Variants in ARHGEF12 observed in about 807,000 individuals in gnomAD.
The protein encoded by ARHGEF12 is KMT2A/ARHGEF12 fusion protein.
ARHGEF12 carries 66 observed loss-of-function variants against 211.2 expected under a neutral mutation model. The ratio of observed to expected loss-of-function variants is 0.31; its 90% CI spans 0.26 to 0.38. ARHGEF12 has a LOEUF of 0.38. Ranked by LOEUF, ARHGEF12 falls within the 10% of genes least tolerant of loss-of-function variation. ARHGEF12 has a pLI of 1.00. For missense variants in ARHGEF12, 1,429 were observed against 1,869.5 expected, an observed-to-expected ratio of 0.76 and a Z score of 4.34; for synonymous variants, 592 against 638.4, an observed-to-expected ratio of 0.93 and a Z score of 1.09.
Position 120,351,540 on chromosome 11 carries a change from G to A in ARHGEF12, c.32+14265G>A, listed in dbSNP as rs370651547. On this transcript the variant is annotated intron_variant, in intron 1 of 40. Coordinates refer to ENST00000397843, the MANE Select transcript of ARHGEF12 (RefSeq NM_015313.3). ...GGCTGGAGTGCAGTGGCATGGTCTT[G>A]GCTCACTTGAACCTCCACCTCCCTG... Among the ~76,000 whole-genome samples the A allele has an allele frequency of 2.9e-5, 4 of 138,898 alleles. No homozygotes were observed. The East Asian group carries it at 9.0e-4, about 31-fold the overall frequency. The allele number at this position is 138,898 out of a possible 152,430, so 91.1% of individuals were successfully genotyped here.
At chr11:120,445,275 T>G in intron 15 of ARHGEF12, 147 bp from the exon 16 acceptor site, 1 of 746,112 alleles carries the variant, frequency 1.3e-6, no homozygotes, top group Non-Finnish European at 2.3e-6. Context: ...TCTGGAGTTG[T>G]GAAATGTGAA....
chr11:120,379,108 A>G (rs1336498764), intron 1 of ARHGEF12, among the ~76,000 whole-genome samples: 2 of 152,140 alleles, frequency 1.3e-5, no homozygotes, highest in Admixed American at 6.5e-5. Flanking sequence ...TTAATTTAGT[A>G]GTCTTCTTTA....
chr11:120,351,325 G>A (rs1186478691), intron 1 of ARHGEF12, among the ~76,000 whole-genome samples: 3 of 83,352 alleles, frequency 3.6e-5, no homozygotes, highest in East Asian at 4.3e-4. Context: ...CTGGGCAACA[G>A]AGCAAGACTC....
intron 10 of ARHGEF12, among the ~76,000 whole-genome samples, chr11:120,431,011 C>CA (rs749998591): frequency 3.3e-5 from 5 of 152,068 alleles, no homozygotes; most frequent in Non-Finnish European, 7.4e-5. Context: ...ATAACCTGGC[C>CA]AGGCGCAGTG....
At chr11:120,408,586 C>T (rs1944785620) in intron 3 of ARHGEF12, 1 of 152,008 alleles carries the variant, frequency 6.6e-6, no homozygotes, top group Non-Finnish European at 1.5e-5. Flanking sequence ...GTAAATCCCG[C>T]TATCTCAGAT....
chr11:120,406,042 G>C (rs1008979737), intron 1 of ARHGEF12, 76 bp from the exon 2 acceptor site: 1 of 1,103,198 alleles, frequency 9.1e-7, no homozygotes, highest in South Asian at 1.4e-5. Flanking sequence ...TTCTGGTTCA[G>C]TAGGATGAAT....
rs941517578 is a variant in ARHGEF12, at chr11:120,457,186, A to G, written c.2125A>G (p.Thr709Ala). 6.2e-7 allele frequency: 1 copy of G among 1,614,090 alleles called. No individual in the cohort carries two copies. Reference protein sequence around the residue: ...TLDGTPRTLNTVFDFPPPPLD... With the variant: ...TLDGTPRTLNAVFDFPPPPLD... ...AGATGGCACACCTCGTACTCTCAATACTGTCTTTGATTTCCCACCACCTCC... is the reference window on the plus strand; with the variant it reads ...AGATGGCACACCTCGTACTCTCAATGCTGTCTTTGATTTCCCACCACCTCC... Residue 709 changes from threonine to alanine, a missense_variant, in exon 23 of 41, where the codon ACT becomes GCT. This residue lies in a region of ARHGEF12 where 373 missense variants were observed against 467.5 expected (regional missense o/e 0.80). Coordinates refer to ENST00000397843, the MANE Select transcript of ARHGEF12 (RefSeq NM_015313.3).
At chr11:120,476,906 G>T in intron 34 of ARHGEF12, 158 bp downstream of exon 34, 1 of 610,198 alleles carries the variant, frequency 1.6e-6, no homozygotes, top group Non-Finnish European at 2.8e-6. Context: ...TCTTTTTTAG[G>T]TTGATGCCTT....
intron 30 of ARHGEF12, among the ~76,000 whole-genome samples, chr11:120,471,518 A>T (rs1169045187): frequency 6.6e-6 from 1 of 152,218 alleles, no homozygotes; most frequent in African/African-American, 2.4e-5. Flanking sequence ...AAAATTTTCT[A>T]TCATGATAGA....
At chr11:120,441,838 G>C in intron 14 of ARHGEF12, 21 bp downstream of exon 14, 1 of 1,601,122 alleles carries the variant, frequency 6.2e-7, no homozygotes, top group Non-Finnish European at 8.6e-7. Flanking sequence ...TTACAATCTA[G>C]CAGATTCAGA....
chr11:120,423,699 A>G (rs1316648312), intron 6 of ARHGEF12, among the ~76,000 whole-genome samples: 4 of 152,134 alleles, frequency 2.6e-5, no homozygotes, highest in Non-Finnish European at 5.9e-5. Context: ...TAAATGTCAT[A>G]GCTAACAGTA....
intron 2 of ARHGEF12, 25 bp from the exon 3 acceptor site, chr11:120,407,713 A>G: frequency 1.3e-6 from 2 of 1,572,000 alleles, no homozygotes; most frequent in Non-Finnish European, 1.7e-6. Flanking sequence ...TGCACTAAGC[A>G]TTTGATTACT....
At position 120,448,341 on chromosome 11, in the gene ARHGEF12, A is replaced by C; in HGVS notation, c.1730A>C (p.Lys577Thr). Reference sequence around the variant, plus strand: ...CGGGGTCGGATTGGATTTCTTCCCAAAATCAAGGTAAGAATGAAATAATGT... The same window carrying C: ...CGGGGTCGGATTGGATTTCTTCCCACAATCAAGGTAAGAATGAAATAATGT... Reference protein sequence around the residue: ...HKRGRIGFLPKIKQSMKKDKE... With the variant: ...HKRGRIGFLPTIKQSMKKDKE... The change falls in exon 20 of 41, where the codon AAA becomes ACA. Residue 577 changes from lysine (K) to threonine (T), a missense_variant. Coordinates refer to ENST00000397843, the MANE Select transcript of ARHGEF12 (RefSeq NM_015313.3). 6.2e-7 allele frequency: 1 copy of C among 1,613,544 alleles called. No homozygotes were observed. Among genetic ancestry groups the C allele is most frequent in the Non-Finnish European group, 8.5e-7 (1 of 1,179,482 alleles).
At chr11:120,339,005 C>CTTTTTTTTTTTTTTTTTTTTT (rs906260027) in intron 1 of ARHGEF12, among the ~76,000 whole-genome samples, 1 of 121,996 alleles carries the variant, frequency 8.2e-6, no homozygotes, top group African/African-American at 3.1e-5. Context: ...TTTTCTTTTT[C>CTTTTTTTTTTTTTTTTTTTTT]TTTTTTTTTT....
intron 5 of ARHGEF12, among the ~76,000 whole-genome samples, 198 bp from the exon 6 acceptor site, chr11:120,421,605 T>C: frequency 6.6e-6 from 1 of 151,884 alleles, no homozygotes; most frequent in East Asian, 1.9e-4. Context: ...ACCCAGTGAA[T>C]TTTTGTATTT....
intron 1 of ARHGEF12, among the ~76,000 whole-genome samples, chr11:120,368,653 A>G (rs117868083): frequency 0.016 from 2,417 of 152,270 alleles, 32 homozygotes; most frequent in Non-Finnish European, 0.025. Context: ...CCAGGTTTTA[A>G]TCTCAGTCTG....
At position 120,410,244 on chromosome 11, in the gene ARHGEF12, A is replaced by G. The variant is rs975286626; in HGVS notation, c.199+794A>G. The G allele has an allele frequency of 2.2e-4, 31 of 142,618 alleles. 2 individuals carry two copies. The highest frequency in any genetic ancestry group is 3.1e-5 in the Non-Finnish European group (2 of 65,136). The allele number at this position is 142,618 out of a possible 1,614,324, so 8.8% of individuals were successfully genotyped here. A position where few individuals can be genotyped will look rare whatever the true frequency, so the allele number is the denominator to read the frequency against. ...ATTTTTCCTTTTCCTTTGCAGTTTT[A>G]TTTGCCCTCTTTCCTTCTTTTGGAG... On this transcript the variant is annotated intron_variant, in intron 4 of 40. Transcript: ENST00000397843.
intron 6 of ARHGEF12, 145 bp from the exon 7 acceptor site, chr11:120,424,213 A>AAT (rs1445184405): frequency 1.9e-6 from 1 of 519,064 alleles, no homozygotes; most frequent in Admixed American, 3.7e-5. Flanking sequence ...TGTGAAAATG[A>AAT]ATATTGAATC....
intron 4 of ARHGEF12, chr11:120,410,551 C>T (rs997491386): frequency 1.3e-5 from 2 of 152,072 alleles, no homozygotes; most frequent in African/African-American, 4.8e-5. Context: ...ATTGCCCTCC[C>T]CTTTTTAAGA....
Sources: gnomAD v4.1 joint callset for allele counts (sites outside exome capture counted in the v4.1 genomes callset) on GRCh38, gnomAD v4.1.1 for gene constraint, gnomAD v4.1.1 regional missense constraint, MANE v1.5 for transcripts, NCBI Gene and HGNC (gene_info 2026-07-23, HGNC 2026-07-21) for gene names.